Variants in SYNJ2 observed in about 807,000 individuals in gnomAD.
SYNJ2 encodes synaptojanin 2, also known as polyphosphatidylinositol phosphatase SYNJ2.
A neutral mutation model predicts 141.3 loss-of-function variants in SYNJ2; 116 were observed. The ratio of observed to expected loss-of-function variants is 0.82; its 90% CI spans 0.71 to 0.96. The LOEUF is 0.96. Among genes scored for constraint, SYNJ2 ranks in the 40% least tolerant of loss-of-function variants. SYNJ2 has a pLI of 0.00. For missense variants in SYNJ2, 1,873 were observed against 1,934.8 expected (o/e 0.97, Z 0.60); for synonymous variants, 745 against 777.7 (o/e 0.96, Z 0.70).
At chr6:157,984,399 A>AT (rs973738456) in intron 1 of SYNJ2, among the ~76,000 whole-genome samples, 4 of 151,622 alleles carry the variant, frequency 2.6e-5, no homozygotes, top group Non-Finnish European at 2.9e-5. Context: ...GAAAGTGATT[A>AT]TTTTTTTTCT....
At chr6:158,002,102 C>G (rs1050362620) in intron 1 of SYNJ2, 1 of 152,430 alleles carries the variant, frequency 6.6e-6, no homozygotes, top group Non-Finnish European at 1.5e-5. Context: ...ACAGATGAAG[C>G]ATTTTCTTCG....
intron 16 of SYNJ2, among the ~76,000 whole-genome samples, chr6:158,075,570 G>T (rs573894141): frequency 6.6e-6 from 1 of 152,008 alleles, no homozygotes; most frequent in East Asian, 2.0e-4. Context: ...GAACCTGGGA[G>T]GCGGAAGTTG....
chr6:158,061,895 C>T (rs934796613), intron 7 of SYNJ2, 97 bp from the exon 8 acceptor site: 13 of 1,275,682 alleles, frequency 1.0e-5, no homozygotes, highest in Admixed American at 8.1e-5. Context: ...CGGCGAGTCA[C>T]CTTGGTTAGC....
chr6:158,094,505 C>T (rs929151478), intron 26 of SYNJ2, among the ~76,000 whole-genome samples: 3 of 151,744 alleles, frequency 2.0e-5, no homozygotes, highest in Admixed American at 6.6e-5. Flanking sequence ...GGAACATTAG[C>T]GCTTGTGCAC....
chr6:158,096,039 C>T lies in SYNJ2; in HGVS notation c.4166C>T (p.Ala1389Val). ...PQGDFLSTSS[A>V]TSPDSDGTKA... is the part of the protein sequence containing the mutation. ...GGGGACTTTCTCAGCACTTCATCTGCTACAAGCCCCGACAGCGATGGCACC... is the reference window on the plus strand; with the variant it reads ...GGGGACTTTCTCAGCACTTCATCTGTTACAAGCCCCGACAGCGATGGCACC... The change falls in exon 27 of 27, where the codon GCT becomes GTT. Residue 1389 changes from alanine (A) to valine (V), a missense_variant. Coordinates refer to ENST00000355585, the MANE Select transcript of SYNJ2 (RefSeq NM_003898.4). The T allele has an allele frequency of 4.3e-6, 7 of 1,614,238 alleles. No individual in the cohort carries two copies. The highest frequency in any genetic ancestry group is 5.9e-6 in the Non-Finnish European group (7 of 1,180,038).
Position 158,059,368 on chromosome 6 carries a change from T to C in SYNJ2, c.954+15T>C, listed in dbSNP as rs113886612. The stretch of plus-strand genomic sequence containing the variant: ...GAGCCTTCAAGGTAAGGCCAGGCTG[T>C]CCTCTCCACAGCTGGGCTGGGCGGC... On this transcript the variant is annotated intron_variant, in intron 7 of 26. Transcript: ENST00000355585. 1,094 of 1,549,140 alleles carry C rather than the reference T, an allele frequency of 7.1e-4. 7 individuals carry two copies. The African/African-American group carries it at 0.012, about 17-fold the overall frequency.
At chr6:158,056,352 C>A (rs1242795262) in intron 6 of SYNJ2, among the ~76,000 whole-genome samples, 2 of 152,148 alleles carry the variant, frequency 1.3e-5, no homozygotes, top group Non-Finnish European at 2.9e-5. Context: ...GAAAGCATTC[C>A]TAAATCTAGG....
rs1027485518 is a variant in SYNJ2, at chr6:158,040,616, G to A, written c.712-2700G>A. Among the ~76,000 whole-genome samples, 3 of 152,310 alleles carry A rather than the reference G, an allele frequency of 2.0e-5. No individual in the cohort carries two copies. Among genetic ancestry groups the A allele is most frequent in the South Asian group, 4.1e-4 (2 of 4,824 alleles). ...CATTCAGGGAGGTTAGGATGACTGCGTGTCCTCCCAGGAATGCAGACTTGG... is the reference window on the plus strand; with the variant it reads ...CATTCAGGGAGGTTAGGATGACTGCATGTCCTCCCAGGAATGCAGACTTGG... On this transcript the variant is annotated intron_variant, in intron 4 of 26. Transcript: ENST00000355585. This position sits in a 1 kb window ranked among gnomAD's most constrained non-coding sequence, Gnocchi z 4.2.
chr6:158,033,791 C>T, intron 4 of SYNJ2, 111 bp downstream of exon 4: 1 of 1,095,146 alleles, frequency 9.1e-7, no homozygotes, highest in Non-Finnish European at 1.3e-6. Context: ...GTGGTGGTCT[C>T]TGATCAGGCT....
chr6:158,068,273 C>A (rs1781689481), intron 12 of SYNJ2, among the ~76,000 whole-genome samples: 1 of 152,122 alleles, frequency 6.6e-6, no homozygotes, highest in African/African-American at 2.4e-5. Flanking sequence ...CTAGCTGGAC[C>A]CTGGGGAGGT....
Position 158,078,589 on chromosome 6 carries a change from C to A in SYNJ2, c.2567+308C>A, listed in dbSNP as rs112694025. On this transcript the variant is annotated intron_variant, in intron 18 of 26. Transcript: ENST00000355585. Reference sequence around the variant, plus strand: ...TTTCTTAAATGATGTCGTTGTGCAACTTGCTTTTTTGTTACTATTTTTGAG... The same window carrying A: ...TTTCTTAAATGATGTCGTTGTGCAAATTGCTTTTTTGTTACTATTTTTGAG... The A allele has an allele frequency of 1.6e-3, 355 of 221,044 alleles. 1 individual carries two copies. Among genetic ancestry groups the A allele is most frequent in the African/African-American group, 7.7e-3 (337 of 43,566 alleles). The allele number at this position is 221,044 out of a possible 1,614,324, so 13.7% of individuals were successfully genotyped here. A position where few individuals can be genotyped will look rare whatever the true frequency, so the allele number is the denominator to read the frequency against.
At chr6:158,072,942 G>A (rs1211644534) in intron 15 of SYNJ2, among the ~76,000 whole-genome samples, 2 of 151,528 alleles carry the variant, frequency 1.3e-5, no homozygotes, top group Non-Finnish European at 2.9e-5. Context: ...GCGTGGTGGC[G>A]TGCACCTGTA....
chr6:157,991,065 A>G (rs887826633), intron 1 of SYNJ2, among the ~76,000 whole-genome samples: 2 of 152,172 alleles, frequency 1.3e-5, no homozygotes, highest in African/African-American at 2.4e-5. Context: ...GAGAGGGAGC[A>G]TGTGCCACGC....
chr6:157,993,709 G>GTTT (rs1777533743), intron 1 of SYNJ2, among the ~76,000 whole-genome samples: 1 of 61,566 alleles, frequency 1.6e-5, no homozygotes, highest in African/African-American at 9.9e-5. Context: ...TTCTTGCATA[G>GTTT]CTTTTTTTTT....
rs1385091362 is a variant in SYNJ2 at position 158,071,153 on chromosome 6, A to G, written c.1941-449A>G. On this transcript the variant is annotated intron_variant, in intron 14 of 26. Transcript: ENST00000355585. This position sits in a 1 kb window ranked among gnomAD's most constrained non-coding sequence, Gnocchi z 4.3. ...AGCTGAGATCACGCTGCTGCACTCC[A>G]GCCAGGGTGACAGAGCGAGACTCTG... is the stretch of plus-strand genomic sequence containing the variant. Among the ~76,000 whole-genome samples the G allele has an allele frequency of 6.6e-6, 1 of 152,206 alleles. No individual in the cohort carries two copies. The highest frequency in any genetic ancestry group is 1.5e-5 in the Non-Finnish European group (1 of 68,036).
At position 158,064,806 on chromosome 6, in the gene SYNJ2, G is replaced by A. The variant is rs755713789; in HGVS notation, c.1360-20G>A. 1.2e-6 allele frequency: 2 copies of A among 1,609,402 alleles called. No homozygotes were observed. The highest frequency in any genetic ancestry group is 2.2e-5 in the South Asian group (2 of 90,952). On this transcript the variant is annotated intron_variant, in intron 10 of 26. Transcript: ENST00000355585. ...GCCCCAGGGACCCCCCTCACGGCCT[G>A]CGGTCTGGGCTCTCGGCAGGTGGGG...
At chr6:158,021,956 G>T (rs1158091512) in intron 2 of SYNJ2, among the ~76,000 whole-genome samples, 1 of 152,198 alleles carries the variant, frequency 6.6e-6, no homozygotes, top group Admixed American at 6.5e-5. Flanking sequence ...TCCCAGCGTG[G>T]AGCTGAGGAA....
In SYNJ2 at chr6:158,071,909, G is replaced by A; in HGVS notation, c.2133+115G>A. On this transcript the variant is annotated intron_variant, in intron 15 of 26. Coordinates refer to ENST00000355585, the MANE Select transcript of SYNJ2 (RefSeq NM_003898.4). The surrounding 1 kb of genome is among the most constrained non-coding windows in gnomAD (Gnocchi z 4.3). ...ACCACAGGGAGGGCCCCTTCCTGGA[G>A]GGCTCAGCGCTGGGGGAGGGGGAGA... The A allele has an allele frequency of 7.9e-7, 1 of 1,261,226 alleles. No homozygotes were observed. The highest frequency in any genetic ancestry group is 1.5e-5 in the South Asian group (1 of 67,988). 78.1% of individuals were successfully genotyped at this position (1,261,226 alleles called of 1,614,324 possible). A position where few individuals can be genotyped will look rare whatever the true frequency, so the allele number is the denominator to read the frequency against.
At chr6:158,063,958 C>A in intron 9 of SYNJ2, 86 bp downstream of exon 9, 1 of 1,397,756 alleles carries the variant, frequency 7.2e-7, no homozygotes, top group Non-Finnish European at 1.0e-6. Context: ...CCTTTAGCGG[C>A]AAGATGAGGG....
Sources: gnomAD v4.1 joint callset for allele counts (sites outside exome capture counted in the v4.1 genomes callset) on GRCh38, gnomAD v4.1.1 for gene constraint, Gnocchi (gnomAD v3.1) non-coding constraint, MANE v1.5 for transcripts, NCBI Gene and HGNC (gene_info 2026-07-23, HGNC 2026-07-21) for gene names.